The following PCCB variants were observed in gnomAD, a reference collection of about 807,000 sequenced individuals.
PCCB encodes propionyl-CoA carboxylase beta chain, mitochondrial.
PCCB carries 43 observed loss-of-function variants against 60.7 expected under a neutral mutation model. That is an observed-to-expected ratio of 0.71 (90% CI 0.55 to 0.91). PCCB has a LOEUF of 0.91. PCCB is among the 40% of genes least tolerant of loss of function. The pLI, the probability that PCCB is intolerant of heterozygous loss-of-function variation, is 0.00. For missense variants in PCCB, 766 were observed against 702.8 expected, an observed-to-expected ratio of 1.09 and a Z score of -1.02; for synonymous variants, 276 against 255.9, an observed-to-expected ratio of 1.08 and a Z score of -0.75.
intron 5 of PCCB, among the ~76,000 whole-genome samples, chr3:136,266,887 T>C (rs970158931): frequency 2.0e-5 from 3 of 152,136 alleles, no homozygotes; most frequent in Non-Finnish European, 4.4e-5. Flanking sequence ...ATTTTTATTT[T>C]TATTTTTTAT....
chr3:136,277,347 T>G (rs1256786672), intron 5 of PCCB, among the ~76,000 whole-genome samples: 7 of 152,164 alleles, frequency 4.6e-5, no homozygotes, highest in African/African-American at 1.4e-4. Context: ...ACTGTGTTGG[T>G]TGGCATCCAG....
intron 5 of PCCB, among the ~76,000 whole-genome samples, chr3:136,262,450 C>T (rs981491541): frequency 6.6e-6 from 1 of 152,056 alleles, no homozygotes; most frequent in South Asian, 2.1e-4. Context: ...AGTTAAAACA[C>T]TACAGGATTA....
At chr3:136,263,386 C>T (rs1941883849) in intron 5 of PCCB, among the ~76,000 whole-genome samples, 1 of 151,778 alleles carries the variant, frequency 6.6e-6, no homozygotes, top group Non-Finnish European at 1.5e-5. Context: ...CCACCTCAGT[C>T]TCCTGAATAG....
In PCCB at chr3:136,260,438, A is replaced by G. The variant is rs752030879; in HGVS notation, c.373-41A>G. On this transcript the variant is annotated intron_variant, in intron 3 of 14. Transcript: ENST00000251654. ...TCCCACTGGGTTTTCATCTCTAGCCAGTCACTATATTTGACTTGCTGATTT... is the reference window on the plus strand; with the variant it reads ...TCCCACTGGGTTTTCATCTCTAGCCGGTCACTATATTTGACTTGCTGATTT... 14 of 1,531,156 alleles carry G rather than the reference A, an allele frequency of 9.1e-6. No individual in the cohort carries two copies. In the East Asian group the frequency reaches 2.7e-4, roughly 30 times the overall value. The allele number at this position is 1,531,156 out of a possible 1,614,324, so 94.8% of individuals were successfully genotyped here. A position where few individuals can be genotyped will look rare whatever the true frequency, so the allele number is the denominator to read the frequency against.
intron 12 of PCCB, 101 bp downstream of exon 12, chr3:136,327,356 C>T (rs978637875): frequency 1.2e-6 from 1 of 849,800 alleles, no homozygotes; most frequent in African/African-American, 1.7e-5. Flanking sequence ...AAGGAGTACA[C>T]CTTGCTCATC....
At position 136,255,945 on chromosome 3, in the gene PCCB, AGATTTTGGAAT is replaced by A; in HGVS notation, c.275_285del (p.Asp92GlyfsTer3). Reference sequence around the variant, plus strand: ...ACATGTTTGTGGAACACAGATGTGCAGATTTTGGAATGGCTGCTGATAAGAATAAGGTATTT... The same window carrying A: ...ACATGTTTGTGGAACACAGATGTGCAGGCTGCTGATAAGAATAAGGTATTT... On this transcript the variant is annotated frameshift_variant, in exon 2 of 15. Transcript: ENST00000251654. LOFTEE classifies it high-confidence loss of function. 1 of 1,614,180 alleles carries A rather than the reference AGATTTTGGAAT, an allele frequency of 6.2e-7. No homozygotes were observed. The highest frequency in any genetic ancestry group is 8.5e-7 in the Non-Finnish European group (1 of 1,179,992).
chr3:136,284,640 T>C (rs1021037904), intron 6 of PCCB, among the ~76,000 whole-genome samples: 2 of 151,862 alleles, frequency 1.3e-5, no homozygotes, highest in South Asian at 4.2e-4. Context: ...CTAGAGGGAG[T>C]GTAAATGGGA....
chr3:136,290,991 C>CA (rs1053611004), intron 6 of PCCB, among the ~76,000 whole-genome samples: 134 of 152,044 alleles, frequency 8.8e-4, no homozygotes, highest in African/African-American at 3.2e-3. Context: ...CCCAGTCTAC[C>CA]AAAAAACATC....
intron 10 of PCCB, 59 bp downstream of exon 10, chr3:136,317,123 C>T: frequency 4.4e-6 from 7 of 1,579,932 alleles, no homozygotes; most frequent in African/African-American, 1.4e-5. Context: ...AAGCCTGGGT[C>T]CATGGTATCC....
intron 10 of PCCB, among the ~76,000 whole-genome samples, chr3:136,318,477 G>C (rs1934993820): frequency 6.6e-6 from 1 of 152,184 alleles, no homozygotes; most frequent in Non-Finnish European, 1.5e-5. Context: ...TACATACAAA[G>C]TGTATGCAAC....
In PCCB at chr3:136,314,669, C is replaced by CAA. The variant is rs112170442; in HGVS notation, c.967-2268_967-2267dup. 8.0e-3 allele frequency among the ~76,000 whole-genome samples: 1,213 copies of CAA among 151,460 alleles called. 19 individuals are homozygous for CAA. Among genetic ancestry groups the CAA allele is most frequent in the African/African-American group, 0.028 (1,148 of 41,190 alleles). The stretch of plus-strand genomic sequence containing the variant: ...GACCCTGTCTCAAGAAAAACAAAAA[C>CAA]AAAAACAAAAAAACAAAACAAAAAA... On this transcript the variant is annotated intron_variant, in intron 9 of 14. Transcript: ENST00000251654.
chr3:136,308,339 T>C (rs897268820), intron 9 of PCCB, among the ~76,000 whole-genome samples: 2 of 151,358 alleles, frequency 1.3e-5, no homozygotes, highest in Non-Finnish European at 2.9e-5. Context: ...GTTCAAGTGA[T>C]TCTCCTGCCT....
chr3:136,279,530 G>A (rs1381973674), intron 5 of PCCB, among the ~76,000 whole-genome samples: 1 of 151,970 alleles, frequency 6.6e-6, no homozygotes, highest in East Asian at 1.9e-4. Context: ...AGCTTTAGTA[G>A]TACATAGACA....
chr3:136,291,297 A>G (rs1933677644), intron 6 of PCCB, among the ~76,000 whole-genome samples: 1 of 152,108 alleles, frequency 6.6e-6, no homozygotes, highest in East Asian at 1.9e-4. Flanking sequence ...AGTTGTTTCA[A>G]ATTTCTGGTC....
At chr3:136,263,799 G>A (rs1309008401) in intron 5 of PCCB, among the ~76,000 whole-genome samples, 2 of 152,022 alleles carry the variant, frequency 1.3e-5, no homozygotes, top group African/African-American at 2.4e-5. Context: ...ATCTCTTGAC[G>A]TCAGGAGTTC....
chr3:136,301,016 T>A lies in PCCB; in HGVS notation c.885-14T>A. The A allele has an allele frequency of 6.2e-7, 1 of 1,612,752 alleles. No individual in the cohort carries two copies. Among genetic ancestry groups the A allele is most frequent in the Non-Finnish European group, 8.5e-7 (1 of 1,178,738 alleles). On this transcript the variant is annotated splice_polypyrimidine_tract_variant and intron_variant, in intron 8 of 14. Coordinates refer to ENST00000251654, the MANE Select transcript of PCCB (RefSeq NM_000532.5). ...TTCCTATGTTGACTATACCTGCCTTTTTTCTGCCTAAAGTGACCGTCTGGT... is the reference window on the plus strand; with the variant it reads ...TTCCTATGTTGACTATACCTGCCTTATTTCTGCCTAAAGTGACCGTCTGGT...
intron 6 of PCCB, among the ~76,000 whole-genome samples, chr3:136,291,577 A>C (rs989278178): frequency 1.3e-5 from 2 of 152,048 alleles, no homozygotes; most frequent in Non-Finnish European, 2.9e-5. Context: ...AGTCTCTCGT[A>C]CTTTTTTGGT....
At chr3:136,286,749 G>T (rs1399848032) in intron 6 of PCCB, among the ~76,000 whole-genome samples, 2 of 152,138 alleles carry the variant, frequency 1.3e-5, no homozygotes, top group African/African-American at 2.4e-5. Context: ...TGGTCTCCCT[G>T]CTTCTGAACC....
intron 5 of PCCB, among the ~76,000 whole-genome samples, chr3:136,280,672 T>A (rs1942451861): frequency 6.6e-6 from 1 of 152,234 alleles, no homozygotes; most frequent in Non-Finnish European, 1.5e-5. Flanking sequence ...TTTTTATTTT[T>A]ATTTTAGACA....
Sources: allele counts gnomAD v4.1 joint callset (sites outside exome capture counted in the v4.1 genomes callset), GRCh38; gene constraint gnomAD v4.1.1; transcripts MANE v1.5; gene names NCBI Gene and HGNC (gene_info 2026-07-23, HGNC 2026-07-21).